DCHS2: variants seen among roughly 807,000 people sequenced by gnomAD.
DCHS2 encodes protocadherin-23.
A neutral mutation model predicts 182.4 loss-of-function variants in DCHS2; 142 were observed. The observed-to-expected ratio is 0.78, with a 90% CI of 0.68 to 0.89. The LOEUF is 0.89. Among genes scored for constraint, DCHS2 ranks in the 40% least tolerant of loss-of-function variants. The pLI is 0.00. For missense variants in DCHS2, 4,319 were observed against 4,198.6 expected, an observed-to-expected ratio of 1.03 and a Z score of -0.79; for synonymous variants, 1,740 against 1,663.3, an observed-to-expected ratio of 1.05 and a Z score of -1.12.
intron 1 of DCHS2, among the ~76,000 whole-genome samples, chr4:154,449,870 A>G (rs1267593913): frequency 6.6e-6 from 1 of 152,182 alleles, no homozygotes; most frequent in African/African-American, 2.4e-5. Context: ...TAATTTTATC[A>G]GTGTCTTCAT....
At chr4:154,466,788 A>C (rs1240570340) in intron 1 of DCHS2, among the ~76,000 whole-genome samples, 1 of 152,178 alleles carries the variant, frequency 6.6e-6, no homozygotes, top group Non-Finnish European at 1.5e-5. Flanking sequence ...AAACAGAGAC[A>C]AGACTTTTTG....
chr4:154,239,334 T>C (rs1217742403), intron 18 of DCHS2, 32 bp from the exon 19 acceptor site: 1 of 1,610,074 alleles, frequency 6.2e-7, no homozygotes, highest in East Asian at 2.2e-5. Flanking sequence ...AGGGACATTG[T>C]GCTTAAAGGC....
rs34664853 is a variant in DCHS2, at chr4:154,266,655, C to CAA, written c.6577+3243_6577+3244dup. 5.9e-3 allele frequency among the ~76,000 whole-genome samples: 814 copies of CAA among 137,080 alleles called. 6 individuals carry two copies. The highest frequency in any genetic ancestry group is 0.015 in the African/African-American group (566 of 36,544). The allele number at this position is 137,080 out of a possible 152,430, so 89.9% of individuals were successfully genotyped here. ...TGGGCAACAGAGCAAGGCTCCGTCT[C>CAA]AAAAAAAAAAAAAAAAGAAAGCTTG... On this transcript the variant is annotated intron_variant, in intron 14 of 19. Transcript: ENST00000357232.
intron 1 of DCHS2, among the ~76,000 whole-genome samples, chr4:154,468,176 AT>A (rs1735315359): frequency 6.6e-6 from 1 of 152,160 alleles, no homozygotes. Flanking sequence ...AGAGAGTTTT[AT>A]TGCACATACA....
intron 6 of DCHS2, among the ~76,000 whole-genome samples, chr4:154,328,910 A>G (rs1159670145): frequency 1.3e-5 from 2 of 152,218 alleles, no homozygotes; most frequent in East Asian, 1.9e-4. Context: ...TAAACTTTTC[A>G]TTATTATAAC....
chr4:154,449,856 G>A (rs567463386), intron 1 of DCHS2, among the ~76,000 whole-genome samples: 2 of 152,202 alleles, frequency 1.3e-5, no homozygotes, highest in South Asian at 2.1e-4. Flanking sequence ...GATAATCAAC[G>A]TCATAATTTT....
At chr4:154,275,709 C>T (rs1476215701) in intron 13 of DCHS2, among the ~76,000 whole-genome samples, 1 of 151,818 alleles carries the variant, frequency 6.6e-6, no homozygotes, top group Non-Finnish European at 1.5e-5. Context: ...AGAAAAGAAA[C>T]AGCTATGCCA....
rs1405489515 is a variant in DCHS2, at chr4:154,235,311, G to T, written c.9341C>A (p.Pro3114His). ...DKEIQRINEH[P>H]YRKCSDSALS... ...AGCTGAGTCTGAGCACTTTCTGTAG[G>T]GATGCTCATTTATCCTCTGGATTTC... Residue 3114 changes from proline (P) to histidine (H), a missense_variant, in exon 20 of 20, where the codon CCC (proline) becomes CAC (histidine). By Grantham distance (77) the Pro-to-His change is moderately conservative. Transcript: ENST00000357232. 6.2e-7 allele frequency: 1 copy of T among 1,614,016 alleles called. No homozygotes were observed. The highest frequency in any genetic ancestry group is 8.5e-7 in the Non-Finnish European group (1 of 1,179,960).
intron 1 of DCHS2, among the ~76,000 whole-genome samples, chr4:154,397,615 G>A (rs1731989579): frequency 6.6e-6 from 1 of 152,070 alleles, no homozygotes; most frequent in African/African-American, 2.4e-5. Context: ...TCCTTAGTGG[G>A]TACCTTTTCC....
At chr4:154,424,376 A>T (rs1733236807) in intron 1 of DCHS2, among the ~76,000 whole-genome samples, 1 of 152,206 alleles carries the variant, frequency 6.6e-6, no homozygotes, top group Admixed American at 6.5e-5. Context: ...AGAAATAAAA[A>T]GCTTCCCTTG....
At chr4:154,361,142 C>A (rs1361122117) in intron 3 of DCHS2, among the ~76,000 whole-genome samples, 4 of 152,024 alleles carry the variant, frequency 2.6e-5, no homozygotes, top group Non-Finnish European at 1.5e-5. Context: ...AAGAGATAAA[C>A]CACAAGATTT....
At chr4:154,268,981 G>A (rs1444019222) in intron 14 of DCHS2, 1 of 152,168 alleles carries the variant, frequency 6.6e-6, no homozygotes, top group Non-Finnish European at 1.5e-5. Context: ...AATCTGGGCT[G>A]CTTTCCCAGA....
intron 3 of DCHS2, among the ~76,000 whole-genome samples, chr4:154,350,404 GT>G (rs1019680251): frequency 1.4e-4 from 20 of 144,760 alleles, no homozygotes; most frequent in African/African-American, 5.5e-4. Flanking sequence ...AAGATCTGTA[GT>G]TTTTTTTAAA....
At chr4:154,285,377 G>T (rs1017622081) in intron 13 of DCHS2, among the ~76,000 whole-genome samples, 1 of 152,116 alleles carries the variant, frequency 6.6e-6, no homozygotes, top group Non-Finnish European at 1.5e-5. Flanking sequence ...ACTTTGTCTT[G>T]CAGTTTAGGT....
chr4:154,343,361 A>G, intron 3 of DCHS2: 1 of 1,107,968 alleles, frequency 9.0e-7, no homozygotes, highest in East Asian at 2.9e-5. Context: ...TAAGTTCTGA[A>G]GCCAGGCATT....
At chr4:154,374,025 A>C (rs1730774729) in intron 2 of DCHS2, 5 of 939,606 alleles carry the variant, frequency 5.3e-6, no homozygotes, top group South Asian at 1.6e-5. Context: ...AAAAAAAAAA[A>C]CTTGCTTATA....
intron 1 of DCHS2, among the ~76,000 whole-genome samples, chr4:154,399,628 G>T (rs538661034): frequency 4.3e-4 from 66 of 152,292 alleles, no homozygotes; most frequent in South Asian, 1.7e-3. Context: ...TCTTGTTTTT[G>T]TTTGGAGTTG....
intron 13 of DCHS2, among the ~76,000 whole-genome samples, chr4:154,292,792 AGCAGGTG>A (rs1734725707): frequency 6.6e-6 from 1 of 152,112 alleles, no homozygotes; most frequent in African/African-American, 2.4e-5. Flanking sequence ...CCCCACTCCC[AGCAGGTG>A]GCAGCCCACT....
At chr4:154,377,190 G>A (rs1730942365) in intron 2 of DCHS2, 63 bp downstream of exon 2, 2 of 1,476,646 alleles carry the variant, frequency 1.4e-6, no homozygotes, top group African/African-American at 2.8e-5. Context: ...GGTCCTCTGT[G>A]ATGTATACAC....
Sources: allele counts gnomAD v4.1 joint callset (sites outside exome capture counted in the v4.1 genomes callset), GRCh38; gene constraint gnomAD v4.1.1; transcripts MANE v1.5; gene names NCBI Gene and HGNC (gene_info 2026-07-23, HGNC 2026-07-21).